KIFC3: variants seen among roughly 807,000 people sequenced by gnomAD.
KIFC3 encodes the protein kinesin-like protein KIFC3.
A neutral mutation model predicts 101.8 loss-of-function variants in KIFC3; 60 were observed. That is an observed-to-expected ratio of 0.59 (90% CI 0.48 to 0.73). The LOEUF (loss-of-function observed/expected upper bound fraction) is 0.73, where lower values mean the gene tolerates loss of function less well. Among genes scored for constraint, KIFC3 ranks in the 30% least tolerant of loss-of-function variants. The pLI is 0.00. For missense variants in KIFC3, 966 were observed against 1,137.1 expected (o/e 0.85, Z 2.16); for synonymous variants, 476 against 482.7 (o/e 0.99, Z 0.18).
chr16:57,795,221 G>T, intron 2 of KIFC3, 80 bp from the exon 3 acceptor site: 3 of 1,505,486 alleles, frequency 2.0e-6, no homozygotes, highest in South Asian at 2.5e-5. Flanking sequence ...GGCCAGGGCC[G>T]CAGCTGAGCT....
chr16:57,835,272 TA>T (rs1408545181), intron 1 of KIFC3, among the ~76,000 whole-genome samples: 2 of 152,256 alleles, frequency 1.3e-5, no homozygotes, highest in East Asian at 3.9e-4. Flanking sequence ...TGGAAAATAT[TA>T]AAATCCAATC....
intron 3 of KIFC3, among the ~76,000 whole-genome samples, chr16:57,788,097 G>A (rs1485390038): frequency 2.6e-5 from 4 of 152,190 alleles, no homozygotes; most frequent in Admixed American, 2.6e-4. Context: ...CCCTGCCAGG[G>A]AAGAGCTGAG....
intron 9 of KIFC3, among the ~76,000 whole-genome samples, chr16:57,768,885 G>A (rs748541377): frequency 5.9e-5 from 9 of 152,074 alleles, no homozygotes; most frequent in Non-Finnish European, 1.3e-4. Flanking sequence ...AGACTGTATC[G>A]GCCAGTCATG....
intron 1 of KIFC3, among the ~76,000 whole-genome samples, chr16:57,808,603 C>A (rs2054998194): frequency 6.6e-6 from 1 of 151,698 alleles, no homozygotes; most frequent in Admixed American, 6.6e-5. Context: ...AGAGGAAAAA[C>A]ACAAAAACTA....
Position 57,790,078 on chromosome 16 carries a change from C to CTTTCTTTCTT in KIFC3, c.315+4920_315+4921insAAGAAAGAAA, listed in dbSNP as rs59016221. 5.6e-3 allele frequency among the ~76,000 whole-genome samples: 528 copies of CTTTCTTTCTT among 94,078 alleles called. 6 individuals carry two copies. The highest frequency in any genetic ancestry group is 8.9e-3 in the East Asian group (31 of 3,482). The allele number at this position is 94,078 out of a possible 152,430, so 61.7% of individuals were successfully genotyped here. ...TTTTTCTTTCTTTCTTTCTTTCTTT[C>CTTTCTTTCTT]TTTTTTTTTTTTTTTTTTAAAGACA... On this transcript the variant is annotated intron_variant, in intron 3 of 19. Coordinates refer to ENST00000445690, the MANE Select transcript of KIFC3 (RefSeq NM_001130100.2).
At chr16:57,778,869 C>A (rs1465658791) in intron 3 of KIFC3, among the ~76,000 whole-genome samples, 4 of 152,108 alleles carry the variant, frequency 2.6e-5, no homozygotes, top group Non-Finnish European at 4.4e-5. Context: ...ACGGCCACTG[C>A]ACTCTAGTCT....
In KIFC3 at chr16:57,769,086, T is replaced by C. The variant is rs983620977; in HGVS notation, c.1218+509A>G. 2.0e-5 allele frequency among the ~76,000 whole-genome samples: 3 copies of C among 152,236 alleles called. No homozygotes were observed. The highest frequency in any genetic ancestry group is 7.2e-5 in the African/African-American group (3 of 41,466). ...AGTCTCGCTGTCACACAGGCTGAAGTGCAGTGGCATGATCTTGGTTCACCG... is the reference window on the plus strand; with the variant it reads ...AGTCTCGCTGTCACACAGGCTGAAGCGCAGTGGCATGATCTTGGTTCACCG... On this transcript the variant is annotated intron_variant, in intron 9 of 19. Transcript: ENST00000445690. This position sits in a 1 kb window ranked among gnomAD's most constrained non-coding sequence, Gnocchi z 4.3.
chr16:57,844,801 A>G (rs2055884495), intron 1 of KIFC3, among the ~76,000 whole-genome samples: 2 of 152,102 alleles, frequency 1.3e-5, no homozygotes, highest in Admixed American at 1.3e-4. Flanking sequence ...TGTGCCCTGG[A>G]ATTTTCTGCT....
At chr16:57,777,897 A>G (rs1555612605) in intron 3 of KIFC3, among the ~76,000 whole-genome samples, 1 of 152,224 alleles carries the variant, frequency 6.6e-6, no homozygotes, top group African/African-American at 2.4e-5. Context: ...GGGAAAGGAT[A>G]ATCTTTTCAA....
intron 1 of KIFC3, chr16:57,816,981 A>T (rs1225744421): frequency 6.1e-6 from 2 of 326,176 alleles, no homozygotes; most frequent in Non-Finnish European, 1.2e-5. Context: ...GGCATGGAGC[A>T]CTTTTTCTGA....
At position 57,762,170 on chromosome 16, in the gene KIFC3, C is replaced by T. The variant is rs200482721; in HGVS notation, c.1718G>A (p.Ser573Asn). 34 of 1,609,144 alleles carry T rather than the reference C, an allele frequency of 2.1e-5. No individual in the cohort carries two copies. Among genetic ancestry groups the T allele is most frequent in the Non-Finnish European group, 2.8e-5 (33 of 1,178,572 alleles). ...GACCTCATTGTAGATCTCCGCAGCGCTGACGGTGATGGTGTACTCCCAGTC... is the reference window on the plus strand; with the variant it reads ...GACCTCATTGTAGATCTCCGCAGCGTTGACGGTGATGGTGTACTCCCAGTC... ...ASDWEYTITV[S>N]AAEIYNEVLR... The change falls in exon 13 of 20, where the codon AGC becomes AAC. Residue 573 changes from serine (S) to asparagine (N), a missense_variant. Around this residue, in one of 2 missense-constraint regions of KIFC3, gnomAD observed 689 missense variants for 884.6 expected, o/e 0.78. Coordinates refer to ENST00000445690, the MANE Select transcript of KIFC3 (RefSeq NM_001130100.2).
intron 3 of KIFC3, chr16:57,781,908 C>A (rs1267640142): frequency 3.0e-6 from 3 of 984,498 alleles, no homozygotes. Context: ...CTTGCAGAAC[C>A]CTCACCCTTA....
intron 1 of KIFC3, among the ~76,000 whole-genome samples, chr16:57,835,880 G>A (rs2055675311): frequency 6.6e-6 from 1 of 152,170 alleles, no homozygotes; most frequent in South Asian, 2.1e-4. Context: ...AACCCAGGAG[G>A]CAGAGGTTGC....
Position 57,785,717 on chromosome 16 carries a change from C to T in KIFC3, c.315+9282G>A, listed in dbSNP as rs553467257. ...GAGGGCAGCAGAGGTCCCACGCTGG[C>T]AGAGGAGGGGGTCCATCACAGCAAG... On this transcript the variant is annotated intron_variant, in intron 3 of 19. Transcript: ENST00000445690. The T allele has an allele frequency of 6.5e-5, 72 of 1,100,976 alleles. No homozygotes were observed. In the East Asian group the frequency reaches 3.8e-3, roughly 58 times the overall value. The allele number at this position is 1,100,976 out of a possible 1,614,324, so 68.2% of individuals were successfully genotyped here. A position where few individuals can be genotyped will look rare whatever the true frequency, so the allele number is the denominator to read the frequency against.
upstream of KIFC3, chr16:57,803,135 T>G: frequency 8.4e-6 from 9 of 1,072,612 alleles, no homozygotes; most frequent in African/African-American, 1.6e-5. Context: ...AGCAAATGAA[T>G]ATCTTCCCAG....
chr16:57,812,381 A>G (rs942503488), intron 1 of KIFC3, among the ~76,000 whole-genome samples: 3 of 148,542 alleles, frequency 2.0e-5, no homozygotes, highest in African/African-American at 4.9e-5. Context: ...GTCAGGCCAG[A>G]GCTGCCTTTG....
intron 1 of KIFC3, among the ~76,000 whole-genome samples, chr16:57,857,391 C>CT (rs1325910441): frequency 2.5e-5 from 2 of 81,026 alleles, no homozygotes; most frequent in Non-Finnish European, 5.4e-5. Flanking sequence ...CCCCTAAAAC[C>CT]TTTCTTTTTT....
intron 1 of KIFC3, chr16:57,846,306 G>C (rs150375323): frequency 6.6e-6 from 1 of 152,524 alleles, no homozygotes; most frequent in East Asian, 1.9e-4. Context: ...AAGCCAGGCC[G>C]GGAGAAGCAG....
In KIFC3 at chr16:57,840,450, A is replaced by G. The variant is rs376914678; in HGVS notation, c.108+22279T>C. ...AGACTAGCCAGGGCAACATAGCAAGACCCTGTCTGTAAAAAAATAAAAGTT... is the reference window on the plus strand; with the variant it reads ...AGACTAGCCAGGGCAACATAGCAAGGCCCTGTCTGTAAAAAAATAAAAGTT... On this transcript the variant is annotated intron_variant, in intron 1 of 2. Transcript: ENST00000563028. Among the ~76,000 whole-genome samples, 5 of 152,012 alleles carry G rather than the reference A, an allele frequency of 3.3e-5. No homozygotes were observed. The East Asian group carries it at 7.8e-4, about 24-fold the overall frequency.
Sources: allele counts gnomAD v4.1 joint callset (sites outside exome capture counted in the v4.1 genomes callset), GRCh38; gene constraint gnomAD v4.1.1; regional missense constraint gnomAD v4.1.1; non-coding constraint Gnocchi (gnomAD v3.1); transcripts MANE v1.5; gene names NCBI Gene and HGNC (gene_info 2026-07-23, HGNC 2026-07-21).